Variants in HERPUD2 observed in about 807,000 individuals in gnomAD.
The protein encoded by HERPUD2 is homocysteine-responsive endoplasmic reticulum-resident ubiquitin-like domain member 2 protein.
HERPUD2 carries 13 observed loss-of-function variants against 49.9 expected under a neutral mutation model. That is an observed-to-expected ratio of 0.26 (90% CI 0.17 to 0.41). The LOEUF (loss-of-function observed/expected upper bound fraction) is 0.41. Ranked by LOEUF, HERPUD2 falls within the 10% of genes least tolerant of loss-of-function variation. The pLI is 1.00. For missense variants in HERPUD2, 449 were observed against 492.2 expected (o/e 0.91, Z 0.83); for synonymous variants, 172 against 171.4 (o/e 1.00, Z -0.03).
At chr7:35,651,056 G>A (rs1005473625) in intron 5 of HERPUD2, among the ~76,000 whole-genome samples, 2 of 152,188 alleles carry the variant, frequency 1.3e-5, no homozygotes, top group African/African-American at 4.8e-5. Flanking sequence ...AGACACCCAT[G>A]TGCATGCACT....
intron 5 of HERPUD2, among the ~76,000 whole-genome samples, chr7:35,650,410 G>A (rs1000279058): frequency 2.0e-5 from 3 of 152,056 alleles, no homozygotes; most frequent in South Asian, 2.1e-4. Flanking sequence ...CACGGGCCCC[G>A]AGACTAACAG....
At chr7:35,636,922 CAGG>C (rs1456820548) in intron 6 of HERPUD2, among the ~76,000 whole-genome samples, 1 of 152,024 alleles carries the variant, frequency 6.6e-6, no homozygotes, top group Non-Finnish European at 1.5e-5. Flanking sequence ...CCCTTGAGGC[CAGG>C]AGTTCAAGAT....
intron 5 of HERPUD2, among the ~76,000 whole-genome samples, chr7:35,652,000 TC>T (rs889441551): frequency 2.6e-5 from 4 of 152,278 alleles, no homozygotes; most frequent in African/African-American, 9.6e-5. Context: ...AAACAGGTCA[TC>T]CAGAGGCAAA....
rs1244400363 is a variant in HERPUD2 at position 35,670,319 on chromosome 7, AC to A, written c.234del (p.Glu78AspfsTer7). ...GTACATACTAGATGAACCATATGAT[AC>A]TCATCTTGCTAAAATTAAAGAAGAT... ...QLKDILRKQD[E>X]YHMVHLVCTS... On this transcript the variant is annotated frameshift_variant, in exon 4 of 9. Coordinates refer to ENST00000311350, the MANE Select transcript of HERPUD2 (RefSeq NM_022373.5). LOFTEE classifies it high-confidence loss of function. 1 of 1,461,158 alleles carries A rather than the reference AC, an allele frequency of 6.8e-7. No homozygotes were observed. Among genetic ancestry groups the A allele is most frequent in the African/African-American group, 1.5e-5 (1 of 68,640 alleles). The allele number at this position is 1,461,158 out of a possible 1,614,324, so 90.5% of individuals were successfully genotyped here.
intron 5 of HERPUD2, among the ~76,000 whole-genome samples, chr7:35,644,672 C>A (rs780685108): frequency 3.4e-4 from 51 of 152,196 alleles, no homozygotes; most frequent in Admixed American, 7.9e-4. Flanking sequence ...GAGGCTGACA[C>A]AGGAGAATCA....
Position 35,662,512 on chromosome 7 carries a change from T to G in HERPUD2, c.494+4922A>C, listed in dbSNP as rs539084490. Among the ~76,000 whole-genome samples the G allele has an allele frequency of 2.0e-5, 3 of 152,340 alleles. No individual in the cohort carries two copies. The South Asian group carries it at 6.2e-4, about 32-fold the overall frequency. On this transcript the variant is annotated intron_variant, in intron 5 of 8. Transcript: ENST00000311350. ...GTGAATCCGTCTGGTCTTGGACTTT[T>G]TTTGGTTGGTAGGCTATTAATTATT...
intron 2 of HERPUD2, among the ~76,000 whole-genome samples, chr7:35,685,816 T>C (rs1203197546): frequency 1.3e-5 from 2 of 151,840 alleles, no homozygotes; most frequent in Admixed American, 6.6e-5. Flanking sequence ...TCATCTCTAC[T>C]AAAAATACGT....
chr7:35,674,629 C>A (rs547900794), intron 2 of HERPUD2, among the ~76,000 whole-genome samples: 1 of 151,898 alleles, frequency 6.6e-6, no homozygotes, highest in African/African-American at 2.4e-5. Flanking sequence ...GGGGAACCAA[C>A]AAAGTGATTA....
intron 7 of HERPUD2, 92 bp from the exon 8 acceptor site, chr7:35,634,521 A>G (rs1784839442): frequency 1.4e-6 from 1 of 727,814 alleles, no homozygotes; most frequent in African/African-American, 1.8e-5. Context: ...TAAGAGAAAA[A>G]TGATTAAAAC....
intron 5 of HERPUD2, among the ~76,000 whole-genome samples, chr7:35,665,820 A>G (rs1785525994): frequency 6.6e-6 from 1 of 152,232 alleles, no homozygotes; most frequent in African/African-American, 2.4e-5. Flanking sequence ...TTTTCTCAAT[A>G]GCCTAGTTTA....
At chr7:35,657,202 G>A (rs1450988125) in intron 5 of HERPUD2, among the ~76,000 whole-genome samples, 2 of 151,942 alleles carry the variant, frequency 1.3e-5, no homozygotes, top group African/African-American at 2.4e-5. Flanking sequence ...GTAAGCAAAG[G>A]ACATGAATAG....
intron 2 of HERPUD2, among the ~76,000 whole-genome samples, chr7:35,683,095 G>GA (rs1785951104): frequency 6.6e-6 from 1 of 151,936 alleles, no homozygotes; most frequent in Non-Finnish European, 1.5e-5. Context: ...TGGAACCAAA[G>GA]AAGAGCCCAC....
intron 5 of HERPUD2, among the ~76,000 whole-genome samples, chr7:35,662,547 T>C (rs1412219289): frequency 6.6e-6 from 1 of 152,220 alleles, no homozygotes; most frequent in Non-Finnish European, 1.5e-5. Flanking sequence ...TGCCTCAATT[T>C]CAGAACCCGT....
chr7:35,639,357 T>C (rs1784928433), intron 5 of HERPUD2, among the ~76,000 whole-genome samples: 1 of 152,166 alleles, frequency 6.6e-6, no homozygotes, highest in Non-Finnish European at 1.5e-5. Flanking sequence ...TCAGTAAAAC[T>C]TGTGGAAGGT....
rs914225944 is a variant in HERPUD2, at chr7:35,694,558, C to T, written c.-228G>A. 6 of 553,912 alleles carry T rather than the reference C, an allele frequency of 1.1e-5. No homozygotes were observed. Among genetic ancestry groups the T allele is most frequent in the East Asian group, 9.0e-5 (3 of 33,490 alleles). 34.3% of individuals were successfully genotyped at this position (553,912 alleles called of 1,614,324 possible). A position where few individuals can be genotyped will look rare whatever the true frequency, so the allele number is the denominator to read the frequency against. Reference sequence around the variant, plus strand: ...GGGTCTGGGTGCCCGGCCGTGGAGGCAGCTCTCCCCGCCAGGTCCGGGCTC... The same window carrying T: ...GGGTCTGGGTGCCCGGCCGTGGAGGTAGCTCTCCCCGCCAGGTCCGGGCTC... On this transcript the variant is annotated 5_prime_UTR_variant, in exon 2 of 9. Transcript: ENST00000311350.
chr7:35,688,286 C>T (rs1034027663), intron 2 of HERPUD2, among the ~76,000 whole-genome samples: 16 of 152,176 alleles, frequency 1.1e-4, no homozygotes, highest in Non-Finnish European at 4.4e-5. Context: ...TAAATAGAGG[C>T]ACAGTCACCC....
intron 5 of HERPUD2, among the ~76,000 whole-genome samples, chr7:35,655,417 T>C (rs117612510): frequency 0.014 from 2,063 of 152,278 alleles, 14 homozygotes; most frequent in African/African-American, 0.022. Context: ...AATGATTCAA[T>C]AGATGCAAAT....
At chr7:35,659,548 C>T (rs1380206917) in intron 5 of HERPUD2, among the ~76,000 whole-genome samples, 1 of 152,122 alleles carries the variant, frequency 6.6e-6, no homozygotes, top group East Asian at 1.9e-4. Flanking sequence ...CTCTTTTAAA[C>T]CACATAGAAA....
intron 2 of HERPUD2, among the ~76,000 whole-genome samples, chr7:35,684,519 CAG>C (rs1554317556): frequency 7.9e-6 from 1 of 126,584 alleles, no homozygotes; most frequent in Non-Finnish European, 1.8e-5. Context: ...CTGTGAGAGA[CAG>C]ATATATATAT....
Sources: gnomAD v4.1 joint callset for allele counts (sites outside exome capture counted in the v4.1 genomes callset) on GRCh38, gnomAD v4.1.1 for gene constraint, MANE v1.5 for transcripts, NCBI Gene and HGNC (gene_info 2026-07-23, HGNC 2026-07-21) for gene names.